Variants in SNX29 observed in about 807,000 individuals in gnomAD.
SNX29 encodes sorting nexin 29.
A neutral mutation model predicts 102.1 loss-of-function variants in SNX29; 78 were observed. The observed-to-expected ratio is 0.76, with a 90% CI of 0.64 to 0.92. The LOEUF (loss-of-function observed/expected upper bound fraction) is 0.92. Ranked by LOEUF, SNX29 falls within the 40% of genes least tolerant of loss-of-function variation. The pLI, the probability that SNX29 is intolerant of heterozygous loss-of-function variation, is 0.00. For synonymous variants in SNX29, 580 were observed against 414.5 expected (o/e 1.40, Z -4.85); for missense variants, 1,280 against 1,061.7 (o/e 1.21, Z -2.86).
chr16:12,315,022 T>C (rs2080684987), intron 15 of SNX29, among the ~76,000 whole-genome samples: 1 of 152,220 alleles, frequency 6.6e-6, no homozygotes, highest in Admixed American at 6.5e-5. Flanking sequence ...TGACAGGCAA[T>C]TCTGTTCCCT....
rs2079213655 is a variant in SNX29, at chr16:12,572,707, C to A, written c.*4078C>A. ...AGCCCTGCACTCCAGCAGCATCTTC[C>A]AGCCTTGGCACAGAACTGATGGCAA... is the stretch of plus-strand genomic sequence containing the variant. On this transcript the variant is annotated 3_prime_UTR_variant, in exon 21 of 21. Coordinates refer to ENST00000566228, the MANE Select transcript of SNX29 (RefSeq NM_032167.5). The A allele has an allele frequency of 2.8e-6, 3 of 1,063,780 alleles. No individual in the cohort carries two copies. In the South Asian group the frequency reaches 1.4e-4, roughly 48 times the overall value. 65.9% of individuals were successfully genotyped at this position (1,063,780 alleles called of 1,614,324 possible).
At chr16:12,224,136 G>A (rs998856210) in intron 14 of SNX29, among the ~76,000 whole-genome samples, 2 of 152,102 alleles carry the variant, frequency 1.3e-5, no homozygotes, top group Non-Finnish European at 2.9e-5. Context: ...TTCTTTCTCA[G>A]CATGTAAAAT....
At chr16:12,140,277 G>A (rs2054824202) in intron 13 of SNX29, among the ~76,000 whole-genome samples, 1 of 152,194 alleles carries the variant, frequency 6.6e-6, no homozygotes, top group Admixed American at 6.5e-5. Context: ...AGGGGCCCCA[G>A]CCTAAATCCC....
At chr16:12,104,520 C>T (rs1292894359) in intron 11 of SNX29, among the ~76,000 whole-genome samples, 2 of 151,960 alleles carry the variant, frequency 1.3e-5, no homozygotes, top group Non-Finnish European at 1.5e-5. Context: ...TGCACCACTG[C>T]ACTCCAGCCT....
At chr16:12,454,689 T>C (rs1389880150) in intron 18 of SNX29, among the ~76,000 whole-genome samples, 1 of 152,104 alleles carries the variant, frequency 6.6e-6, no homozygotes, top group Non-Finnish European at 1.5e-5. Context: ...GGCGCATCAT[T>C]GGAGGAATGA....
At chr16:12,294,294 T>A (rs1028778836) in intron 15 of SNX29, among the ~76,000 whole-genome samples, 1 of 152,190 alleles carries the variant, frequency 6.6e-6, no homozygotes, top group Non-Finnish European at 1.5e-5. Flanking sequence ...AGGTGCCTGC[T>A]GTGATGGGGA....
At chr16:12,053,808 A>G (rs963615654) in intron 8 of SNX29, among the ~76,000 whole-genome samples, 1 of 151,896 alleles carries the variant, frequency 6.6e-6, no homozygotes, top group Non-Finnish European at 1.5e-5. Context: ...TTTATACCCT[A>G]TATTGTAAGA....
At chr16:12,420,751 T>A (rs1301580762) in intron 18 of SNX29, among the ~76,000 whole-genome samples, 1 of 152,114 alleles carries the variant, frequency 6.6e-6, no homozygotes, top group East Asian at 1.9e-4. Flanking sequence ...TGAGATGAGA[T>A]GAAGAGGCAG....
intron 20 of SNX29, among the ~76,000 whole-genome samples, chr16:12,566,084 C>G (rs75147865): frequency 2.0e-5 from 3 of 152,212 alleles, no homozygotes; most frequent in South Asian, 4.1e-4. Flanking sequence ...CACTTGATCC[C>G]CATGATGCTT....
intron 1 of SNX29, among the ~76,000 whole-genome samples, chr16:11,992,032 C>T (rs148677443): frequency 2.5e-4 from 38 of 152,290 alleles, no homozygotes; most frequent in African/African-American, 8.9e-4. Flanking sequence ...TGGTAGCTCA[C>T]ACCTGTAACC....
At chr16:12,086,099 G>C (rs972301363) in intron 11 of SNX29, among the ~76,000 whole-genome samples, 1 of 151,482 alleles carries the variant, frequency 6.6e-6, no homozygotes, top group Admixed American at 6.6e-5. Flanking sequence ...CGCCTCCCGG[G>C]CTCACGCCAT....
At chr16:12,401,992 A>G (rs574308131) in intron 17 of SNX29, among the ~76,000 whole-genome samples, 2 of 152,240 alleles carry the variant, frequency 1.3e-5, no homozygotes, top group Non-Finnish European at 2.9e-5. Context: ...AAAAGTTAAT[A>G]AAAACCAGAG....
intron 14 of SNX29, among the ~76,000 whole-genome samples, chr16:12,210,429 G>A (rs530595959): frequency 1.3e-5 from 2 of 151,128 alleles, no homozygotes; most frequent in East Asian, 3.9e-4. Flanking sequence ...CTGGGCTCAA[G>A]CAATCCCTCC....
chr16:12,512,418 A>AT (rs1555559124), intron 19 of SNX29, among the ~76,000 whole-genome samples: 2 of 61,008 alleles, frequency 3.3e-5, no homozygotes, highest in African/African-American at 1.4e-4. Context: ...ATATATATAT[A>AT]GTTTTCGGTT....
At chr16:12,169,360 C>G (rs1036783907) in intron 13 of SNX29, among the ~76,000 whole-genome samples, 1 of 152,138 alleles carries the variant, frequency 6.6e-6, no homozygotes, top group Non-Finnish European at 1.5e-5. Flanking sequence ...CAAAATGTAG[C>G]TCTCGTGGGT....
chr16:12,547,124 C>A (rs570497880), intron 20 of SNX29, among the ~76,000 whole-genome samples: 3 of 150,216 alleles, frequency 2.0e-5, no homozygotes, highest in African/African-American at 5.1e-5. Context: ...GAAATGACAT[C>A]ACAGTCATCA....
intron 13 of SNX29, among the ~76,000 whole-genome samples, chr16:12,136,493 C>A (rs1052528732): frequency 6.6e-6 from 1 of 152,138 alleles, no homozygotes; most frequent in Non-Finnish European, 1.5e-5. Flanking sequence ...TTTTTTCTTG[C>A]AGTAGCTGGG....
chr16:12,055,882 C>G (rs1185513667), intron 8 of SNX29, among the ~76,000 whole-genome samples: 2 of 152,078 alleles, frequency 1.3e-5, no homozygotes, highest in Admixed American at 1.3e-4. Flanking sequence ...CTCACAAGTG[C>G]CTTTATTCTT....
At chr16:12,538,377 A>C (rs926676737) in intron 20 of SNX29, among the ~76,000 whole-genome samples, 2 of 152,182 alleles carry the variant, frequency 1.3e-5, no homozygotes, top group East Asian at 1.9e-4. Context: ...GGCGTGAGCC[A>C]CCGCGCCCGG....
Sources: gnomAD v4.1 joint callset for allele counts (sites outside exome capture counted in the v4.1 genomes callset) on GRCh38, gnomAD v4.1.1 for gene constraint, MANE v1.5 for transcripts, NCBI Gene and HGNC (gene_info 2026-07-23, HGNC 2026-07-21) for gene names.